The following BRD10 variants were observed in gnomAD, a reference collection of about 807,000 sequenced individuals.
BRD10 encodes bromodomain containing 10.
At chr9:5,987,150 G>C in the BRD10 span, among the ~76,000 whole-genome samples, 3 of 151,946 alleles carry the variant, frequency 2.0e-5, no homozygotes, top group African/African-American at 4.8e-5. Flanking sequence ...AAATACTCAC[G>C]CTCAATAAAC....
chr9:5,946,963 G>T, the BRD10 span, among the ~76,000 whole-genome samples: 1 of 150,680 alleles, frequency 6.6e-6, no homozygotes, highest in Non-Finnish European at 1.5e-5. Context: ...TCTCTTCATA[G>T]AAACTTACAG....
At chr9:5,989,091 G>A in the BRD10 span, among the ~76,000 whole-genome samples, 3 of 151,758 alleles carry the variant, frequency 2.0e-5, no homozygotes, top group African/African-American at 7.3e-5. Context: ...TTAGCCGGGC[G>A]CGGTGGCGCA....
At chr9:5,893,876 C>T in the BRD10 span, among the ~76,000 whole-genome samples, 1 of 151,968 alleles carries the variant, frequency 6.6e-6, no homozygotes, top group South Asian at 2.1e-4. Flanking sequence ...TTTCAAGGGG[C>T]ACACGTCACT....
the BRD10 span, among the ~76,000 whole-genome samples, chr9:5,886,435 A>G: frequency 1.3e-5 from 2 of 152,216 alleles, no homozygotes; most frequent in Non-Finnish European, 2.9e-5. Flanking sequence ...TGTACCAAGC[A>G]CTTCCAACAG....
At chr9:5,964,700 T>C in the BRD10 span, among the ~76,000 whole-genome samples, 51 of 144,734 alleles carry the variant, frequency 3.5e-4, no homozygotes, top group Middle Eastern at 3.4e-3. Context: ...ATGTGGCACA[T>C]ATACACCATG....
At chr9:6,003,553 T>C in the BRD10 span, among the ~76,000 whole-genome samples, 5 of 152,192 alleles carry the variant, frequency 3.3e-5, no homozygotes, top group Non-Finnish European at 2.9e-5. Context: ...GAGAAAATTG[T>C]ATCTATAGCA....
At chr9:5,898,523 C>T in the BRD10 span, among the ~76,000 whole-genome samples, 17 of 152,288 alleles carry the variant, frequency 1.1e-4, no homozygotes, top group South Asian at 3.5e-3. Flanking sequence ...TTGGGGGACA[C>T]ATTCAAACTA....
chr9:5,934,014 C>A, the BRD10 span: 6 of 293,154 alleles, frequency 2.0e-5, no homozygotes, highest in African/African-American at 4.3e-5. Flanking sequence ...TTATACAAGC[C>A]ATACAGTTAC....
the BRD10 span, chr9:6,007,598 C>G: frequency 6.2e-7 from 1 of 1,606,120 alleles, no homozygotes; most frequent in Non-Finnish European, 8.5e-7. Context: ...CCTCCGATCA[C>G]CATCGCCTCC....
the BRD10 span, among the ~76,000 whole-genome samples, chr9:5,914,962 A>C: frequency 6.6e-6 from 1 of 152,152 alleles, no homozygotes; most frequent in Non-Finnish European, 1.5e-5. Context: ...ATTTAGGTTT[A>C]ATAAAGAGAA....
At chr9:5,922,230 C>CA in the BRD10 span, 1 of 1,613,936 alleles carries the variant, frequency 6.2e-7, no homozygotes, top group Non-Finnish European at 8.5e-7. Context: ...GTCTGTTGTG[C>CA]AAAACAGTTG....
chr9:6,005,490 G>T, the BRD10 span, among the ~76,000 whole-genome samples: 16 of 152,322 alleles, frequency 1.1e-4, no homozygotes, highest in East Asian at 3.1e-3. Context: ...GGGCTACAGA[G>T]GGAGACTCAG....
At chr9:5,899,896 A>C in the BRD10 span, among the ~76,000 whole-genome samples, 1 of 152,182 alleles carries the variant, frequency 6.6e-6, no homozygotes, top group Non-Finnish European at 1.5e-5. Context: ...ACTAGAATTC[A>C]ACTTCTCCAA....
chr9:5,916,853 C>T, the BRD10 span, among the ~76,000 whole-genome samples: 2 of 152,176 alleles, frequency 1.3e-5, no homozygotes, highest in East Asian at 3.9e-4. Context: ...CCTTTATAGA[C>T]GCCCTTTACA....
the BRD10 span, chr9:5,988,308 T>C: frequency 5.3e-6 from 8 of 1,512,654 alleles, no homozygotes; most frequent in African/African-American, 2.7e-5. Flanking sequence ...ATAAAAATTA[T>C]GCAGCTGAAA....
the BRD10 span, among the ~76,000 whole-genome samples, chr9:5,897,285 C>G: frequency 2.6e-5 from 4 of 152,316 alleles, no homozygotes; most frequent in East Asian, 7.7e-4. Flanking sequence ...TACTATGGCA[C>G]TTCTCATACC....
the BRD10 span, among the ~76,000 whole-genome samples, chr9:5,995,242 C>T: frequency 6.6e-6 from 1 of 152,188 alleles, no homozygotes; most frequent in Non-Finnish European, 1.5e-5. Context: ...ATCACTTTCT[C>T]GCAGGTGACT....
the BRD10 span, chr9:5,968,304 G>A: frequency 6.2e-6 from 10 of 1,610,978 alleles, no homozygotes; most frequent in Non-Finnish European, 8.5e-6. Context: ...CCATTTACAT[G>A]TATTTGGCAA....
chr9:5,931,013 TAAGTTA>T, the BRD10 span, among the ~76,000 whole-genome samples: 2 of 152,328 alleles, frequency 1.3e-5, no homozygotes, highest in South Asian at 4.1e-4. Context: ...AAATCTTTCC[TAAGTTA>T]AAGAGAGAAG....
Sources: gnomAD v4.1 joint callset for allele counts (sites outside exome capture counted in the v4.1 genomes callset) on GRCh38, gnomAD v4.1.1 for gene constraint, MANE v1.5 for transcripts, NCBI Gene and HGNC (gene_info 2026-07-23, HGNC 2026-07-21) for gene names.